Variants in C19orf38 observed in about 807,000 individuals in gnomAD.
The protein encoded by C19orf38 is protein HIDE1.
Under a neutral mutation model 26.6 loss-of-function variants are expected in C19orf38, and 14 were observed. The ratio of observed to expected loss-of-function variants is 0.53; its 90% CI spans 0.35 to 0.82. The LOEUF (loss-of-function observed/expected upper bound fraction) is 0.82. Among genes scored for constraint, C19orf38 ranks in the 40% least tolerant of loss-of-function variants. The pLI is 0.01. For missense variants in C19orf38, 261 were observed against 299.5 expected (o/e 0.87, Z 0.95); for synonymous variants, 132 against 128.5 (o/e 1.03, Z -0.18).
chr19:10,851,188 G>C (rs780457624), intron 2 of C19orf38, among the ~76,000 whole-genome samples: 1 of 152,044 alleles, frequency 6.6e-6, no homozygotes, highest in Non-Finnish European at 1.5e-5. Flanking sequence ...TGAGTATCTG[G>C]GATTACAGGT....
rs33999724 is a variant in C19orf38 at position 10,855,030 on chromosome 19, CTTTTT to C, written c.341-1214_341-1210del. Among the ~76,000 whole-genome samples, 5 of 77,760 alleles carry C rather than the reference CTTTTT, an allele frequency of 6.4e-5. No homozygotes were observed. The South Asian group carries it at 2.4e-3, about 38-fold the overall frequency. The allele number at this position is 77,760 out of a possible 152,430, so 51.0% of individuals were successfully genotyped here. ...TGCCCTGAAGCTTCAGATATATATT[CTTTTT>C]TTTTTTTTTTTTTTTTTTTTGAGAC... is the stretch of plus-strand genomic sequence containing the variant. On this transcript the variant is annotated intron_variant, in intron 2 of 6. Coordinates refer to ENST00000397820, the MANE Select transcript of C19orf38 (RefSeq NM_001136482.3).
At chr19:10,863,717 C>T (rs2073725704) in intron 6 of C19orf38, among the ~76,000 whole-genome samples, 1 of 152,052 alleles carries the variant, frequency 6.6e-6, no homozygotes, top group African/African-American at 2.4e-5. Context: ...AGTTTGAGAC[C>T]AGCCTGACCA....
At chr19:10,864,688 G>A (rs2073735396) in intron 6 of C19orf38, among the ~76,000 whole-genome samples, 1 of 152,334 alleles carries the variant, frequency 6.6e-6, no homozygotes, top group African/African-American at 2.4e-5. Context: ...GCACCAAAGG[G>A]TGGGTGGTTT....
chr19:10,850,164 G>C (rs2073554667), intron 1 of C19orf38, 95 bp from the exon 2 acceptor site: 2 of 1,233,688 alleles, frequency 1.6e-6, no homozygotes, highest in Non-Finnish European at 2.2e-6. Flanking sequence ...GAAAACACAA[G>C]GCTGAGGGAG....
intron 2 of C19orf38, 120 bp from the exon 3 acceptor site, chr19:10,856,145 C>T (rs1297605328): frequency 2.7e-6 from 2 of 730,718 alleles, no homozygotes; most frequent in East Asian, 2.9e-5. Context: ...TGCTAAGTCT[C>T]TTGGGTCCAG....
At chr19:10,857,425 T>C (rs1315650539) in intron 3 of C19orf38, among the ~76,000 whole-genome samples, 1 of 137,232 alleles carries the variant, frequency 7.3e-6, no homozygotes, top group Non-Finnish European at 1.5e-5. Context: ...TGGAGTGCAG[T>C]GAGGCGATCT....
chr19:10,845,820 A>C (rs74784242), upstream of C19orf38, among the ~76,000 whole-genome samples: 4,158 of 150,816 alleles, frequency 0.028, 402 homozygotes, highest in East Asian at 0.36. Context: ...CAGAGCTTGC[A>C]GTGAGCCGAG....
chr19:10,855,109 C>T (rs1329237332), intron 2 of C19orf38, among the ~76,000 whole-genome samples: 1 of 146,316 alleles, frequency 6.8e-6, no homozygotes, highest in East Asian at 2.0e-4. Flanking sequence ...CCAATCTCGG[C>T]TCACTGCAAC....
chr19:10,853,711 C>CCT (rs2146257689), intron 2 of C19orf38, among the ~76,000 whole-genome samples: 2 of 151,246 alleles, frequency 1.3e-5, no homozygotes, highest in East Asian at 3.9e-4. Flanking sequence ...TGCCTCAGAG[C>CCT]CTCCCGAGTA....
chr19:10,869,378 T>A lies in C19orf38; in HGVS notation c.*11T>A. ...CGGGCCTGCCAGTGAGGCTGAGGAC[T>A]GGGGGACCCCTCTGTCTCCAGGCAT... On this transcript the variant is annotated 3_prime_UTR_variant, in exon 7 of 7. Coordinates refer to ENST00000397820, the MANE Select transcript of C19orf38 (RefSeq NM_001136482.3). 6.5e-7 allele frequency: 1 copy of A among 1,544,554 alleles called. No homozygotes were observed. Among genetic ancestry groups the A allele is most frequent in the South Asian group, 1.2e-5 (1 of 83,678 alleles).
At chr19:10,862,413 C>T (rs1472977927) in intron 5 of C19orf38, among the ~76,000 whole-genome samples, 1 of 152,014 alleles carries the variant, frequency 6.6e-6, no homozygotes, top group East Asian at 1.9e-4. Context: ...TTATGTTGCC[C>T]AGGCTGGTCT....
chr19:10,853,185 C>T (rs1301371552), intron 2 of C19orf38, among the ~76,000 whole-genome samples: 3 of 152,008 alleles, frequency 2.0e-5, no homozygotes, highest in African/African-American at 7.2e-5. Flanking sequence ...TTCTCAGTCT[C>T]CCTAGCAGCT....
rs1568338183 is a variant in C19orf38, at chr19:10,860,559, AG to A, written c.505+603del. Among the ~76,000 whole-genome samples the A allele has an allele frequency of 8.0e-5, 11 of 138,328 alleles. No homozygotes were observed. In the East Asian group the frequency reaches 1.4e-3, roughly 17 times the overall value. The allele number at this position is 138,328 out of a possible 152,430, so 90.7% of individuals were successfully genotyped here. A position where few individuals can be genotyped will look rare whatever the true frequency, so the allele number is the denominator to read the frequency against. ...CAAAAAAAAAAAAAAAAAAAAAAAAAGGCCAGGCGTGGTGGCTCACGCCTGT... is the reference window on the plus strand; with the variant it reads ...CAAAAAAAAAAAAAAAAAAAAAAAAAGCCAGGCGTGGTGGCTCACGCCTGT... On this transcript the variant is annotated intron_variant, in intron 5 of 6. Transcript: ENST00000397820.
intron 1 of C19orf38, chr19:10,841,822 T>TA (rs1225800155): frequency 7.7e-7 from 1 of 1,299,480 alleles, no homozygotes; most frequent in Admixed American, 1.7e-5. Flanking sequence ...AAACATTTTT[T>TA]AAAAAATTAG....
intron 6 of C19orf38, among the ~76,000 whole-genome samples, chr19:10,866,223 A>T (rs1285068949): frequency 7.0e-6 from 1 of 143,702 alleles, no homozygotes; most frequent in Non-Finnish European, 1.5e-5. Context: ...TTTTTTTGAG[A>T]CGGACTCTCG....
chr19:10,839,052 C>T (rs949902149), intron 1 of C19orf38, among the ~76,000 whole-genome samples: 1 of 151,994 alleles, frequency 6.6e-6, no homozygotes. Context: ...ATTACAGGTG[C>T]CTGCCACCAC....
chr19:10,843,558 T>A (rs1007119987), upstream of C19orf38, among the ~76,000 whole-genome samples: 1 of 152,220 alleles, frequency 6.6e-6, no homozygotes, highest in Non-Finnish European at 1.5e-5. Context: ...TCATTCATCC[T>A]AATGTCTCTG....
chr19:10,855,623 G>T (rs1045026876), intron 2 of C19orf38, among the ~76,000 whole-genome samples: 2 of 152,140 alleles, frequency 1.3e-5, no homozygotes, highest in African/African-American at 4.8e-5. Context: ...CCGCCTCCCG[G>T]GTTCAAGTGA....
intron 1 of C19orf38, among the ~76,000 whole-genome samples, chr19:10,839,870 G>T (rs956212813): frequency 1.3e-5 from 2 of 151,232 alleles, no homozygotes; most frequent in African/African-American, 4.9e-5. Flanking sequence ...GACTACAGGT[G>T]CACGCCACCA....
Sources: gnomAD v4.1 joint callset for allele counts (sites outside exome capture counted in the v4.1 genomes callset) on GRCh38, gnomAD v4.1.1 for gene constraint, MANE v1.5 for transcripts, NCBI Gene and HGNC (gene_info 2026-07-23, HGNC 2026-07-21) for gene names.